The following NAV1 variants were observed in gnomAD, a reference collection of about 807,000 sequenced individuals.
NAV1 encodes pore membrane and/or filament interacting like protein 3.
Under a neutral mutation model 175.2 loss-of-function variants are expected in NAV1, and 18 were observed. The ratio of observed to expected loss-of-function variants is 0.10; its 90% CI spans 0.07 to 0.15. The LOEUF (loss-of-function observed/expected upper bound fraction) is 0.15. Among genes scored for constraint, NAV1 ranks in the 10% least tolerant of loss-of-function variants. NAV1 has a pLI of 1.00. For synonymous variants in NAV1, 897 were observed against 978.7 expected, an observed-to-expected ratio of 0.92 and a Z score of 1.56; for missense variants, 1,731 against 2,436.6, an observed-to-expected ratio of 0.71 and a Z score of 6.10.
chr1:201,746,212 G>A (rs915015923), intron 3 of NAV1, among the ~76,000 whole-genome samples: 1 of 152,220 alleles, frequency 6.6e-6, no homozygotes, highest in East Asian at 1.9e-4. Context: ...GTTTCTAGGG[G>A]CCAGGGGATT....
chr1:201,648,275 C>T (rs1669045088), exon 1 of NAV1: 4 of 1,061,412 alleles, frequency 3.8e-6, no homozygotes, highest in Non-Finnish European at 4.5e-6. Flanking sequence ...AGGCAGGCCG[C>T]GGGCTGGGAT....
rs981508868 is a variant in NAV1 at position 201,808,823 on chromosome 1, C to T, written c.4159C>T (p.Leu1387=). The T allele has an allele frequency of 3.1e-6, 5 of 1,613,844 alleles. No homozygotes were observed. The African/African-American group carries it at 6.7e-5, about 22-fold the overall frequency. Residue 1387 remains leucine (L), a synonymous_variant, in exon 20 of 30, where the codon CTA becomes TTA. Transcript: ENST00000367296. This position sits in a 1 kb window ranked among gnomAD's most constrained non-coding sequence, Gnocchi z 5.5. Reference sequence around the variant, plus strand: ...TGCATTATCTTCCCCACGCCGCTCCCTAGGCCTGGCACTCACCCATTCCTT... The same window carrying T: ...TGCATTATCTTCCCCACGCCGCTCCTTAGGCCTGGCACTCACCCATTCCTT...
At chr1:201,661,646 A>C (rs1355151003) in intron 1 of NAV1, among the ~76,000 whole-genome samples, 1 of 152,096 alleles carries the variant, frequency 6.6e-6, no homozygotes, top group Non-Finnish European at 1.5e-5. Context: ...CAGATCTGGG[A>C]GACTGGATGA....
chr1:201,627,765 C>G (rs1039102451), intron 1 of NAV1, among the ~76,000 whole-genome samples: 5 of 152,112 alleles, frequency 3.3e-5, no homozygotes, highest in Admixed American at 6.6e-5. Flanking sequence ...AATCCCAGGT[C>G]CATTCTAATT....
At chr1:201,557,091 A>G (rs556966167) in intron 1 of NAV1, among the ~76,000 whole-genome samples, 16 of 141,130 alleles carry the variant, frequency 1.1e-4, no homozygotes, top group Non-Finnish European at 2.0e-4. Flanking sequence ...AGGAAGCCCT[A>G]GGGAAGTCCA....
chr1:201,772,962 G>A (rs1382226476), intron 3 of NAV1, among the ~76,000 whole-genome samples: 2 of 151,758 alleles, frequency 1.3e-5, no homozygotes, highest in African/African-American at 4.8e-5. Flanking sequence ...GAACCTGGGA[G>A]GCGGAGCTTG....
In NAV1 at chr1:201,654,978, G is replaced by A. The variant is rs2493791; in HGVS notation, c.757+5553G>A. Among the ~76,000 whole-genome samples, 21 of 152,158 alleles carry A rather than the reference G, an allele frequency of 1.4e-4. 1 individual carries two copies. Among genetic ancestry groups the A allele is most frequent in the South Asian group, 4.1e-4 (2 of 4,826 alleles). On this transcript the variant is annotated intron_variant, in intron 1 of 29. Transcript: ENST00000367296. ...ATGCTTACAGATGAAGCTAGCCTGC[G>A]TTTCCCAGGATCCCCTTTCTTATAT...
intron 1 of NAV1, among the ~76,000 whole-genome samples, chr1:201,666,249 A>C (rs1440335500): frequency 6.6e-6 from 1 of 152,046 alleles, no homozygotes; most frequent in African/African-American, 2.4e-5. Context: ...CTTGGCTCCC[A>C]TATGTTCAGG....
intron 1 of NAV1, among the ~76,000 whole-genome samples, chr1:201,660,423 C>T (rs1669564485): frequency 6.6e-6 from 1 of 152,158 alleles, no homozygotes; most frequent in South Asian, 2.1e-4. Context: ...CCTAGGAGCA[C>T]CAGCGTCAGG....
chr1:201,771,260 T>G (rs997565918), intron 3 of NAV1, among the ~76,000 whole-genome samples: 1 of 117,558 alleles, frequency 8.5e-6, no homozygotes, highest in African/African-American at 3.1e-5. Context: ...AAAAAACATC[T>G]GGTGATTTGG....
At chr1:201,747,799 C>T (rs1350744593) in intron 3 of NAV1, among the ~76,000 whole-genome samples, 1 of 152,058 alleles carries the variant, frequency 6.6e-6, no homozygotes, top group Non-Finnish European at 1.5e-5. Context: ...ACTGTTTTTC[C>T]CCCATTTAAG....
intron 4 of NAV1, 58 bp downstream of exon 8, chr1:201,780,617 G>T (rs1207976235): frequency 1.7e-5 from 28 of 1,608,348 alleles, no homozygotes; most frequent in Non-Finnish European, 2.3e-5. Context: ...AGGGCAAATG[G>T]CATTATCTGT....
chr1:201,725,403 A>G (rs1672563116), intron 3 of NAV1, among the ~76,000 whole-genome samples: 1 of 152,220 alleles, frequency 6.6e-6, no homozygotes. Flanking sequence ...AGGACCCAAC[A>G]TTCAAGTTCA....
rs1679101448 is a variant in NAV1, at chr1:201,817,305, G to A, written c.5538+20G>A. On this transcript the variant is annotated intron_variant, in intron 29 of 29. Transcript: ENST00000367296. Reference sequence around the variant, plus strand: ...CCTCTGGTGAGTAGAAGCCATTCTAGAGTAAAAATAAGACTATTATAGAAC... The same window carrying A: ...CCTCTGGTGAGTAGAAGCCATTCTAAAGTAAAAATAAGACTATTATAGAAC... The A allele has an allele frequency of 6.2e-7, 1 of 1,610,888 alleles. No individual in the cohort carries two copies. The highest frequency in any genetic ancestry group is 1.3e-5 in the African/African-American group (1 of 74,838).
intron 1 of NAV1, among the ~76,000 whole-genome samples, chr1:201,711,922 G>A (rs572914936): frequency 1.1e-4 from 16 of 152,304 alleles, no homozygotes; most frequent in South Asian, 4.1e-4. Flanking sequence ...TCATTTGGAC[G>A]TTATTTTCAC....
chr1:201,805,989 C>CT (rs201639996), intron 17 of NAV1, among the ~76,000 whole-genome samples: 65,650 of 143,832 alleles, frequency 0.46, 14,978 homozygotes, highest in East Asian at 0.58. Flanking sequence ...CTCTCTCTCT[C>CT]TTTTTTTTTT....
chr1:201,661,747 CT>C (rs1408151238), intron 1 of NAV1, among the ~76,000 whole-genome samples: 1 of 152,172 alleles, frequency 6.6e-6, no homozygotes, highest in Non-Finnish European at 1.5e-5. Flanking sequence ...AACGACTTCC[CT>C]TTTACTCTCC....
In NAV1 at chr1:201,637,694, A is replaced by G. The variant is rs545929880; in HGVS notation, c.4+8187A>G. Among the ~76,000 whole-genome samples the G allele has an allele frequency of 1.4e-3, 218 of 152,326 alleles. 2 individuals are homozygous for G. The highest frequency in any genetic ancestry group is 2.7e-3 in the Non-Finnish European group (181 of 68,022). On this transcript the variant is annotated intron_variant, in intron 2 of 29. Coordinates refer to the NAV1 transcript ENST00000367302. ...CCCATCCCGAAGGACACATGCTCAC[A>G]CAAGGAGTTTGCTTGTCCCCATCCA...
At chr1:201,632,977 C>T (rs904144591) in intron 2 of NAV1, among the ~76,000 whole-genome samples, 24 of 152,204 alleles carry the variant, frequency 1.6e-4, no homozygotes, top group Admixed American at 3.3e-4. Context: ...GGTAACTACT[C>T]TCTGGGAGAG....
Sources: allele counts gnomAD v4.1 joint callset (sites outside exome capture counted in the v4.1 genomes callset), GRCh38; gene constraint gnomAD v4.1.1; non-coding constraint Gnocchi (gnomAD v3.1); transcripts MANE v1.5; gene names NCBI Gene and HGNC (gene_info 2026-07-23, HGNC 2026-07-21).